EPHA6: variants seen among roughly 807,000 people sequenced by gnomAD.
The protein encoded by EPHA6 is ephrin type-A receptor 6.
Under a neutral mutation model 112.0 loss-of-function variants are expected in EPHA6, and 50 were observed. That is an observed-to-expected ratio of 0.45 (90% confidence interval 0.36 to 0.56). The LOEUF (loss-of-function observed/expected upper bound fraction) is 0.56, where lower values mean the gene tolerates loss of function less well. Among genes scored for constraint, EPHA6 ranks in the 20% least tolerant of loss-of-function variants. EPHA6 has a pLI of 0.00. For missense variants in EPHA6, 1,280 were observed against 1,417.4 expected (o/e 0.90, Z 1.56); for synonymous variants, 529 against 490.7 (o/e 1.08, Z -1.03).
intron 2 of EPHA6, among the ~76,000 whole-genome samples, chr3:96,973,171 G>A (rs995223309): frequency 3.3e-5 from 5 of 152,122 alleles, no homozygotes. Context: ...GGATGTAGAA[G>A]GGTTTTTAGA....
intron 3 of EPHA6, among the ~76,000 whole-genome samples, chr3:97,140,866 T>G (rs181161848): frequency 6.6e-6 from 1 of 152,200 alleles, no homozygotes; most frequent in East Asian, 1.9e-4. Context: ...GTGCCCCACT[T>G]AAAACATATA....
chr3:97,526,255 G>C (rs911823338), intron 10 of EPHA6, among the ~76,000 whole-genome samples: 1 of 152,200 alleles, frequency 6.6e-6, no homozygotes, highest in African/African-American at 2.4e-5. Flanking sequence ...GCTTCTCTCA[G>C]TCTGAAGACA....
At chr3:97,239,796 G>T (rs185706789) in intron 4 of EPHA6, among the ~76,000 whole-genome samples, 41 of 151,788 alleles carry the variant, frequency 2.7e-4, no homozygotes, top group African/African-American at 8.9e-4. Context: ...AACTTTTATT[G>T]AAAAAGATTC....
intron 14 of EPHA6, among the ~76,000 whole-genome samples, chr3:97,660,838 C>CA (rs796561617): frequency 5.9e-5 from 9 of 151,606 alleles, no homozygotes; most frequent in South Asian, 4.2e-4. Context: ...ACTCAACATA[C>CA]AAAAAAAATG....
chr3:97,687,726 C>CA (rs1308364176), intron 14 of EPHA6, among the ~76,000 whole-genome samples: 1 of 152,166 alleles, frequency 6.6e-6, no homozygotes, highest in Non-Finnish European at 1.5e-5. Context: ...GGCCACCTCC[C>CA]AAAATCCTCA....
intron 11 of EPHA6, among the ~76,000 whole-genome samples, chr3:97,578,523 G>C (rs1030111276): frequency 1.3e-5 from 2 of 152,164 alleles, no homozygotes; most frequent in African/African-American, 4.8e-5. Context: ...TAACGACAGG[G>C]GTTTTGAAAC....
chr3:97,288,862 C>T, intron 5 of EPHA6, among the ~76,000 whole-genome samples: 1 of 148,830 alleles, frequency 6.7e-6, no homozygotes, highest in Admixed American at 6.7e-5. Flanking sequence ...TGTGTGGGGC[C>T]ACTTGTTACA....
intron 14 of EPHA6, among the ~76,000 whole-genome samples, chr3:97,695,790 C>T (rs942178142): frequency 9.2e-5 from 14 of 152,130 alleles, no homozygotes; most frequent in African/African-American, 2.2e-4. Context: ...CCACATGCTT[C>T]GGCCTCCCAA....
At chr3:97,175,372 A>T (rs1358010023) in intron 3 of EPHA6, among the ~76,000 whole-genome samples, 1 of 151,500 alleles carries the variant, frequency 6.6e-6, no homozygotes, top group Non-Finnish European at 1.5e-5. Flanking sequence ...ATAGTTTTAG[A>T]TTTTCTGGGT....
At chr3:96,835,916 T>G (rs2034382914) in intron 1 of EPHA6, among the ~76,000 whole-genome samples, 1 of 152,022 alleles carries the variant, frequency 6.6e-6, no homozygotes, top group Admixed American at 6.6e-5. Flanking sequence ...GCAAGAAAAA[T>G]TATGCAAAAA....
rs184304559 is a variant in EPHA6, at chr3:96,942,026, T to G, written c.451-45304T>G. On this transcript the variant is annotated intron_variant, in intron 2 of 17. Coordinates refer to ENST00000389672, the MANE Select transcript of EPHA6 (RefSeq NM_001080448.3). ...GTGTGAGGTGTCAGTCTGCCCCTAC[T>G]GGGGGGTGCCTCCCAGTCAGGCTGC... is the stretch of plus-strand genomic sequence containing the variant. Among the ~76,000 whole-genome samples the G allele has an allele frequency of 4.7e-3, 713 of 152,268 alleles. 3 individuals carry two copies. The highest frequency in any genetic ancestry group is 0.015 in the African/African-American group (632 of 41,556).
intron 6 of EPHA6, among the ~76,000 whole-genome samples, chr3:97,429,056 G>T (rs1459412239): frequency 6.6e-6 from 1 of 152,078 alleles, no homozygotes; most frequent in Non-Finnish European, 1.5e-5. Flanking sequence ...CATCATTTAA[G>T]GGTTGGCTCC....
chr3:97,744,257 T>C (rs1177158172), intron 16 of EPHA6, among the ~76,000 whole-genome samples: 2 of 151,968 alleles, frequency 1.3e-5, no homozygotes, highest in East Asian at 1.9e-4. Flanking sequence ...AAGATATTTC[T>C]CAGGTGGGCA....
intron 2 of EPHA6, among the ~76,000 whole-genome samples, chr3:96,927,979 A>G (rs2040124890): frequency 6.6e-6 from 1 of 152,198 alleles, no homozygotes; most frequent in African/African-American, 2.4e-5. Context: ...GGTGGCAGGC[A>G]AGAAAGCGAG....
At chr3:97,633,865 G>T (rs1040093266) in intron 13 of EPHA6, among the ~76,000 whole-genome samples, 1 of 152,070 alleles carries the variant, frequency 6.6e-6, no homozygotes. Flanking sequence ...AAATAGATTT[G>T]TGCTATACCT....
intron 6 of EPHA6, among the ~76,000 whole-genome samples, chr3:97,434,400 T>C (rs1164687629): frequency 3.3e-5 from 5 of 152,156 alleles, no homozygotes; most frequent in Non-Finnish European, 7.4e-5. Context: ...AACTGCAGTA[T>C]GTCCTGTGTA....
intron 14 of EPHA6, among the ~76,000 whole-genome samples, chr3:97,705,679 A>C (rs369006684): frequency 6.6e-6 from 1 of 152,324 alleles, no homozygotes; most frequent in Admixed American, 6.5e-5. Flanking sequence ...ACAGATCAAG[A>C]AGCGTATAGA....
rs539364532 is a variant in EPHA6 at position 97,119,918 on chromosome 3, C to T, written c.1115-106346C>T. Among the ~76,000 whole-genome samples, 10 of 152,034 alleles carry T rather than the reference C, an allele frequency of 6.6e-5. No individual in the cohort carries two copies. In the East Asian group the frequency reaches 1.7e-3, roughly 27 times the overall value. ...GTATAAACCCAGTTTTAAAAATTCA[C>T]CTTTGCCCTCCTTTTGAATGCTGAG... On this transcript the variant is annotated intron_variant, in intron 3 of 17. Coordinates refer to ENST00000389672, the MANE Select transcript of EPHA6 (RefSeq NM_001080448.3).
chr3:97,414,255 ATATCT>A (rs908254702), intron 6 of EPHA6, among the ~76,000 whole-genome samples: 1 of 152,064 alleles, frequency 6.6e-6, no homozygotes, highest in Non-Finnish European at 1.5e-5. Context: ...ATTCAAATAA[ATATCT>A]TAATAAAGGC....
Sources: allele counts gnomAD v4.1 joint callset (sites outside exome capture counted in the v4.1 genomes callset), GRCh38; gene constraint gnomAD v4.1.1; transcripts MANE v1.5; gene names NCBI Gene and HGNC (gene_info 2026-07-23, HGNC 2026-07-21).